Variants in ADGRL3 observed in about 807,000 individuals in gnomAD.
The protein encoded by ADGRL3 is adhesion G protein-coupled receptor L3, also known as calcium-independent alpha-latrotoxin receptor 3.
In ADGRL3, 62 loss-of-function variants were observed where a neutral mutation model predicts 153.5. The observed-to-expected ratio is 0.40, with a 90% CI of 0.33 to 0.50. The LOEUF (loss-of-function observed/expected upper bound fraction) is 0.50. Among genes scored for constraint, ADGRL3 ranks in the 20% least tolerant of loss-of-function variants. The probability of loss-of-function intolerance (pLI) is 0.47; values close to 1 mark genes in which losing one functional copy is unlikely to be tolerated. For synonymous variants in ADGRL3, 710 were observed against 672.5 expected, an observed-to-expected ratio of 1.06 and a Z score of -0.86; for missense variants, 1,641 against 1,859.4, an observed-to-expected ratio of 0.88 and a Z score of 2.16.
chr4:61,764,288 G>A (rs1334621449), intron 8 of ADGRL3, among the ~76,000 whole-genome samples: 1 of 152,044 alleles, frequency 6.6e-6, no homozygotes, highest in Non-Finnish European at 1.5e-5. Context: ...ATTTCACCTG[G>A]TTGCAGGCGG....
chr4:61,617,938 A>G (rs1358466064), intron 5 of ADGRL3, among the ~76,000 whole-genome samples: 1 of 152,182 alleles, frequency 6.6e-6, no homozygotes, highest in African/African-American at 2.4e-5. Context: ...GCAGCAATGA[A>G]CATAGGTTGG....
intron 2 of ADGRL3, among the ~76,000 whole-genome samples, chr4:61,416,786 T>C (rs1237091110): frequency 6.6e-6 from 1 of 152,160 alleles, no homozygotes; most frequent in Non-Finnish European, 1.5e-5. Flanking sequence ...AGGTGGTGGA[T>C]GGTTTTAGGA....
chr4:61,352,791 C>G (rs183853709), intron 1 of ADGRL3, among the ~76,000 whole-genome samples: 2 of 152,150 alleles, frequency 1.3e-5, no homozygotes, highest in East Asian at 3.8e-4. Flanking sequence ...GCAGTATCTC[C>G]AAGGCCTGCC....
chr4:61,469,000 T>A lies in ADGRL3; in HGVS notation c.-173-28121T>A, dbSNP rs192131664. On this transcript the variant is annotated intron_variant, in intron 2 of 26. Coordinates refer to ENST00000683033, the MANE Select transcript of ADGRL3 (RefSeq NM_001387552.1). ...TTGAGCCGGACTCAGAGCTCTAGAC[T>A]GTACGCTCTACTTGTCTGGGTTTAG... 1.4e-3 allele frequency among the ~76,000 whole-genome samples: 211 copies of A among 152,256 alleles called. 2 individuals are homozygous for A. Among genetic ancestry groups the A allele is most frequent in the South Asian group, 3.7e-3 (18 of 4,828 alleles).
At chr4:61,720,083 G>A (rs1379349467) in intron 6 of ADGRL3, among the ~76,000 whole-genome samples, 1 of 126,882 alleles carries the variant, frequency 7.9e-6, no homozygotes, top group East Asian at 2.7e-4. Context: ...AAAACTCAGA[G>A]TGATACTTTT....
intron 2 of ADGRL3, among the ~76,000 whole-genome samples, chr4:61,453,764 A>AT (rs780702118): frequency 1.3e-5 from 2 of 152,100 alleles, no homozygotes; most frequent in Non-Finnish European, 2.9e-5. Flanking sequence ...TGTAATTATA[A>AT]TTGTCCATTT....
Position 62,070,870 on chromosome 4 carries a change from A to G in ADGRL3, c.4594A>G (p.Ser1532Gly). Residue 1532 changes from serine (S) to glycine (G), a missense_variant, in exon 27 of 27, where the codon AGT becomes GGT. This residue lies in a region of ADGRL3 where 517 missense variants were observed against 555.0 expected (regional missense o/e 0.93). Coordinates refer to ENST00000683033, the MANE Select transcript of ADGRL3 (RefSeq NM_001387552.1). ...CAAAGATGGGACCCCTCCCGAGGGAAGTTCAAAAGGACCGGCTCATTTGGT... is the reference window on the plus strand; with the variant it reads ...CAAAGATGGGACCCCTCCCGAGGGAGGTTCAAAAGGACCGGCTCATTTGGT... ...PNKDGTPPEGSSKGPAHLVTS... is the reference protein window; with the variant it reads ...PNKDGTPPEGGSKGPAHLVTS... 7 of 1,551,300 alleles carry G rather than the reference A, an allele frequency of 4.5e-6. No homozygotes were observed. The highest frequency in any genetic ancestry group is 5.2e-6 in the Non-Finnish European group (6 of 1,146,754).
intron 1 of ADGRL3, among the ~76,000 whole-genome samples, chr4:61,328,407 G>A (rs143536886): frequency 1.3e-5 from 2 of 152,106 alleles, no homozygotes; most frequent in South Asian, 4.1e-4. Context: ...AACTTGTAAG[G>A]CATATGCCAG....
At chr4:61,961,989 G>A (rs781541899) in intron 17 of ADGRL3, among the ~76,000 whole-genome samples, 3 of 151,898 alleles carry the variant, frequency 2.0e-5, no homozygotes, top group Non-Finnish European at 2.9e-5. Flanking sequence ...TGTATATGTT[G>A]TGCATGTGTG....
At chr4:61,650,030 T>A (rs2094188318) in intron 5 of ADGRL3, among the ~76,000 whole-genome samples, 1 of 152,168 alleles carries the variant, frequency 6.6e-6, no homozygotes, top group South Asian at 2.1e-4. Context: ...CAGTTTGTTG[T>A]CTGGCTGTTT....
chr4:61,700,245 T>C (rs1345104240), intron 6 of ADGRL3, among the ~76,000 whole-genome samples: 1 of 152,152 alleles, frequency 6.6e-6, no homozygotes, highest in Non-Finnish European at 1.5e-5. Flanking sequence ...TACTGGAAAG[T>C]ATACATAATT....
chr4:61,566,374 C>T (rs2098816176), intron 4 of ADGRL3, among the ~76,000 whole-genome samples: 2 of 152,094 alleles, frequency 1.3e-5, no homozygotes, highest in South Asian at 4.1e-4. Flanking sequence ...TCTGTAAAGA[C>T]CCTGTCTTCC....
chr4:61,671,553 A>C, intron 5 of ADGRL3, among the ~76,000 whole-genome samples: 1 of 152,308 alleles, frequency 6.6e-6, no homozygotes, highest in Admixed American at 6.5e-5. Flanking sequence ...GATTGCAGAA[A>C]AGTCTATATA....
At chr4:61,753,631 CTACTT>C (rs2096784212) in intron 8 of ADGRL3, among the ~76,000 whole-genome samples, 1 of 152,118 alleles carries the variant, frequency 6.6e-6, no homozygotes. Flanking sequence ...ATGATCTAGT[CTACTT>C]TACAGAGACA....
chr4:61,695,960 CCT>C (rs1439417853), intron 6 of ADGRL3, among the ~76,000 whole-genome samples: 2 of 152,152 alleles, frequency 1.3e-5, no homozygotes, highest in East Asian at 3.9e-4. Flanking sequence ...AGCTTCCTCA[CCT>C]CTCTCAGCCT....
chr4:61,458,217 T>A (rs921003283), intron 2 of ADGRL3, among the ~76,000 whole-genome samples: 3 of 151,478 alleles, frequency 2.0e-5, no homozygotes, highest in Non-Finnish European at 4.4e-5. Context: ...ATTTTATATG[T>A]CCATAAATAT....
intron 9 of ADGRL3, among the ~76,000 whole-genome samples, chr4:61,844,570 A>T (rs2098086704): frequency 2.7e-5 from 2 of 73,456 alleles, no homozygotes; most frequent in Non-Finnish European, 5.2e-5. Flanking sequence ...AAAAAAAAAA[A>T]AAAAAATATA....
intron 8 of ADGRL3, among the ~76,000 whole-genome samples, chr4:61,735,077 A>G (rs576854838): frequency 6.6e-6 from 1 of 152,150 alleles, no homozygotes; most frequent in Non-Finnish European, 1.5e-5. Flanking sequence ...GTAGATTCTA[A>G]GTTTTTTATG....
At chr4:62,052,003 T>C (rs1462636928) in intron 25 of ADGRL3, among the ~76,000 whole-genome samples, 2 of 151,686 alleles carry the variant, frequency 1.3e-5, no homozygotes, top group Non-Finnish European at 3.0e-5. Context: ...TATTTGTTGA[T>C]AAATTTGGTG....
Sources: gnomAD v4.1 joint callset for allele counts (sites outside exome capture counted in the v4.1 genomes callset) on GRCh38, gnomAD v4.1.1 for gene constraint, gnomAD v4.1.1 regional missense constraint, MANE v1.5 for transcripts, NCBI Gene and HGNC (gene_info 2026-07-23, HGNC 2026-07-21) for gene names.